Variants in OLFM3 observed in about 807,000 individuals in gnomAD.
The protein encoded by OLFM3 is olfactomedin 3, also known as noelin-3.
In OLFM3, 20 loss-of-function variants were observed where a neutral mutation model predicts 48.6. The ratio of observed to expected loss-of-function variants is 0.41; its 90% CI spans 0.29 to 0.60. OLFM3 has a LOEUF of 0.60. Among genes scored for constraint, OLFM3 ranks in the 20% least tolerant of loss-of-function variants. The probability of loss-of-function intolerance (pLI) is 0.28; values close to 1 mark genes in which losing one functional copy is unlikely to be tolerated. For synonymous variants in OLFM3, 222 were observed against 198.1 expected (o/e 1.12, Z -1.01); for missense variants, 437 against 544.3 (o/e 0.80, Z 1.96).
intron 1 of OLFM3, among the ~76,000 whole-genome samples, chr1:101,933,201 C>CAAAAAAAAAAAA (rs761881274): frequency 1.7e-3 from 67 of 40,092 alleles, no homozygotes; most frequent in South Asian, 2.9e-3. Context: ...GACTCCATCT[C>CAAAAAAAAAAAA]AAAAAAAAAA....
intron 1 of OLFM3, among the ~76,000 whole-genome samples, chr1:101,905,250 A>G (rs571673901): frequency 6.6e-6 from 1 of 152,274 alleles, no homozygotes; most frequent in East Asian, 1.9e-4. Flanking sequence ...CACCTCCCCC[A>G]GTTTTGAAGC....
chr1:101,933,432 A>C (rs561076562), intron 1 of OLFM3, among the ~76,000 whole-genome samples: 2 of 152,166 alleles, frequency 1.3e-5, no homozygotes, highest in East Asian at 3.9e-4. Context: ...AACGAAGAAG[A>C]ATGAACCAAA....
Position 101,880,360 on chromosome 1 carries a change from G to C in OLFM3, c.70-43335C>G, listed in dbSNP as rs1020233289. Among the ~76,000 whole-genome samples, 19 of 151,768 alleles carry C rather than the reference G, an allele frequency of 1.3e-4. 1 individual carries two copies. Among genetic ancestry groups the C allele is most frequent in the Admixed American group, 1.1e-3 (16 of 15,170 alleles). ...GCCAGTGTCTAGCTTACTAAAAAAAGAGTTATACATAATATTTAAGATGCT... is the reference window on the plus strand; with the variant it reads ...GCCAGTGTCTAGCTTACTAAAAAAACAGTTATACATAATATTTAAGATGCT... On this transcript the variant is annotated intron_variant, in intron 1 of 5. Transcript: ENST00000370103.
chr1:101,975,062 G>A (rs2101101186), intron 1 of OLFM3, among the ~76,000 whole-genome samples: 1 of 152,244 alleles, frequency 6.6e-6, no homozygotes, highest in South Asian at 2.1e-4. Context: ...ATGGTCTGTG[G>A]AGGCATGTGC....
chr1:101,924,511 T>C (rs1429090016), intron 1 of OLFM3, among the ~76,000 whole-genome samples: 1 of 152,154 alleles, frequency 6.6e-6, no homozygotes, highest in East Asian at 1.9e-4. Context: ...AATTAACCCA[T>C]TGTATTAGAT....
intron 1 of OLFM3, among the ~76,000 whole-genome samples, chr1:101,871,014 G>C (rs1657062746): frequency 6.6e-6 from 1 of 151,996 alleles, no homozygotes; most frequent in Admixed American, 6.6e-5. Context: ...AATTTAGACA[G>C]AGCAGAGTAA....
At position 101,921,200 on chromosome 1, in the gene OLFM3, TACACACACACACAC is replaced by T. The variant is rs142071103; in HGVS notation, c.69+75534_69+75547del. On this transcript the variant is annotated intron_variant, in intron 1 of 5. Transcript: ENST00000370103. ...ATAGTTGACAATCTATTTAAGTTTA[TACACACACACACAC>T]ACACACACACACACACACAAATATT... is the stretch of plus-strand genomic sequence containing the variant. Among the ~76,000 whole-genome samples the T allele has an allele frequency of 1.2e-3, 179 of 148,162 alleles. 1 individual carries two copies. Among genetic ancestry groups the T allele is most frequent in the African/African-American group, 4.2e-3 (168 of 40,254 alleles).
At position 101,804,817 on chromosome 1, in the gene OLFM3, A is replaced by C; in HGVS notation, c.798T>G (p.Leu266=). Residue 266 remains leucine, a synonymous_variant, in exon 6 of 6, where the codon CTT becomes CTG. Transcript: ENST00000370103. The surrounding 1 kb of genome is among the most constrained non-coding windows in gnomAD (Gnocchi z 4.5). ...VSGAESRTYN[L]PFKWAGTNHV... ...GGTTAGTTCCTGCCCACTTGAAAGG[A>C]AGGTTGTATGTCCTTGATTCAGCCC... is the stretch of plus-strand genomic sequence containing the variant. The C allele has an allele frequency of 1.9e-6, 3 of 1,612,642 alleles. No individual in the cohort carries two copies. Among genetic ancestry groups the C allele is most frequent in the South Asian group, 1.1e-5 (1 of 91,068 alleles).
At chr1:101,955,207 G>A (rs1010372476) in intron 1 of OLFM3, among the ~76,000 whole-genome samples, 16 of 152,056 alleles carry the variant, frequency 1.1e-4, no homozygotes, top group Non-Finnish European at 2.2e-4. Flanking sequence ...TTTAAGGAAG[G>A]ATTTAGGTAC....
intron 1 of OLFM3, among the ~76,000 whole-genome samples, chr1:101,862,796 T>C (rs986751464): frequency 1.3e-5 from 2 of 152,156 alleles, no homozygotes; most frequent in Non-Finnish European, 2.9e-5. Context: ...TATAACCAAA[T>C]GACCATGAGG....
intron 1 of OLFM3, among the ~76,000 whole-genome samples, chr1:101,963,237 CT>C (rs1660516446): frequency 6.6e-6 from 1 of 152,156 alleles, no homozygotes; most frequent in Admixed American, 6.5e-5. Flanking sequence ...TTACTTATTT[CT>C]TTTCCTGACA....
intron 1 of OLFM3, among the ~76,000 whole-genome samples, chr1:101,944,354 G>A (rs1309608274): frequency 6.6e-6 from 1 of 152,036 alleles, no homozygotes; most frequent in East Asian, 1.9e-4. Context: ...ATAATCCAGA[G>A]GAGGGATGCA....
chr1:101,930,451 G>A (rs1031240054), intron 1 of OLFM3, among the ~76,000 whole-genome samples: 7 of 152,060 alleles, frequency 4.6e-5, no homozygotes, highest in African/African-American at 1.4e-4. Context: ...TCTAATTTTG[G>A]GTCCTAGGAA....
chr1:101,835,154 G>T (rs993856395), intron 2 of OLFM3, among the ~76,000 whole-genome samples: 1 of 152,086 alleles, frequency 6.6e-6, no homozygotes. Flanking sequence ...TAGAAAAGAA[G>T]ATTTGGTGAA....
chr1:101,882,290 T>C (rs11806698), intron 1 of OLFM3, among the ~76,000 whole-genome samples: 87,476 of 147,428 alleles, frequency 0.59, 26,588 homozygotes, highest in African/African-American at 0.7. Flanking sequence ...AACAACACTA[T>C]GTTATTTCTA....
intron 1 of OLFM3, among the ~76,000 whole-genome samples, chr1:101,954,495 T>C (rs1660231430): frequency 6.6e-6 from 1 of 152,058 alleles, no homozygotes; most frequent in Non-Finnish European, 1.5e-5. Flanking sequence ...ACATGTACCC[T>C]AGAATGTTTT....
At chr1:101,942,455 C>A (rs1050682099) in intron 1 of OLFM3, among the ~76,000 whole-genome samples, 7 of 152,140 alleles carry the variant, frequency 4.6e-5, no homozygotes, top group Non-Finnish European at 8.8e-5. Context: ...TAATATAATT[C>A]ATATATTCAT....
intron 1 of OLFM3, among the ~76,000 whole-genome samples, chr1:101,948,247 T>G (rs11164347): frequency 0.4 from 60,669 of 151,564 alleles, 12,351 homozygotes; most frequent in East Asian, 0.51. Flanking sequence ...GATAATAAAT[T>G]GTTCAAATCC....
At chr1:101,926,667 C>G (rs1659279015) in intron 1 of OLFM3, among the ~76,000 whole-genome samples, 1 of 152,184 alleles carries the variant, frequency 6.6e-6, no homozygotes, top group Admixed American at 6.6e-5. Context: ...CCCTGGTCAC[C>G]TCCCTGAGTT....
Sources: gnomAD v4.1 joint callset for allele counts (sites outside exome capture counted in the v4.1 genomes callset) on GRCh38, gnomAD v4.1.1 for gene constraint, Gnocchi (gnomAD v3.1) non-coding constraint, MANE v1.5 for transcripts, NCBI Gene and HGNC (gene_info 2026-07-23, HGNC 2026-07-21) for gene names.